SMARCA2: variants seen among roughly 807,000 people sequenced by gnomAD.
The protein encoded by SMARCA2 is SWI/SNF-related matrix-associated actin-dependent regulator of chromatin subfamily A member 2.
In SMARCA2, 61 loss-of-function variants were observed where a neutral mutation model predicts 199.8. The ratio of observed to expected loss-of-function variants is 0.31; its 90% confidence interval spans 0.25 to 0.38. The LOEUF (loss-of-function observed/expected upper bound fraction) is 0.38, where lower values mean the gene tolerates loss of function less well. Among genes scored for constraint, SMARCA2 ranks in the 10% least tolerant of loss-of-function variants. The pLI is 1.00. For synonymous variants in SMARCA2, 935 were observed against 732.0 expected (o/e 1.28, Z -4.48); for missense variants, 1,344 against 2,012.2 (o/e 0.67, Z 6.35).
intron 9 of SMARCA2, among the ~76,000 whole-genome samples, chr9:2,064,989 C>A (rs1416197681): frequency 6.6e-6 from 1 of 152,158 alleles, no homozygotes; most frequent in Non-Finnish European, 1.5e-5. Flanking sequence ...TCGAGACCAT[C>A]CTGGCTAACA....
intron 9 of SMARCA2, 46 bp from the exon 10 acceptor site, chr9:2,070,372 C>G: frequency 6.6e-7 from 1 of 1,525,690 alleles, no homozygotes; most frequent in Admixed American, 1.7e-5. Context: ...AGTCCTGTAC[C>G]CCATCATCTT....
intron 27 of SMARCA2, among the ~76,000 whole-genome samples, chr9:2,145,587 CAG>C (rs1463928372): frequency 1.3e-5 from 2 of 152,124 alleles, no homozygotes; most frequent in Non-Finnish European, 2.9e-5. Context: ...AGGGAAGATG[CAG>C]AGAGTTTGAT....
intron 27 of SMARCA2, among the ~76,000 whole-genome samples, chr9:2,141,697 G>A (rs1401218687): frequency 6.6e-6 from 1 of 151,778 alleles, no homozygotes; most frequent in Non-Finnish European, 1.5e-5. Context: ...TAGTTGTGTG[G>A]CCCTCCCTTG....
intron 23 of SMARCA2, among the ~76,000 whole-genome samples, chr9:2,107,507 G>A (rs1054395682): frequency 6.6e-6 from 1 of 151,962 alleles, no homozygotes; most frequent in African/African-American, 2.4e-5. Context: ...TAGTAGAGAT[G>A]GGGTTTTACC....
chr9:2,050,560 T>G (rs1820073322), intron 5 of SMARCA2, among the ~76,000 whole-genome samples: 1 of 152,176 alleles, frequency 6.6e-6, no homozygotes, highest in Non-Finnish European at 1.5e-5. Context: ...AAAGTCAGAC[T>G]TTAGTATGAA....
At position 2,047,349 on chromosome 9, in the gene SMARCA2, G is replaced by C. The variant is rs1171716633; in HGVS notation, c.911G>C (p.Gly304Ala). The change falls in exon 5 of 34, where the codon GGG becomes GCG. Residue 304 changes from glycine (G) to alanine (A), a missense_variant. Gly to Ala is a moderately conservative substitution (Grantham distance 60, BLOSUM62 0). Around this residue, in one of 18 missense-constraint regions of SMARCA2, gnomAD observed 117 missense variants for 99.1 expected, o/e 1.18. Transcript: ENST00000349721. ...AAQPPAAAVP[G>A]PSVPQPAPGQ... ...CAGCCGCCCGCGGCCGCAGTGCCCG[G>C]GCCCTCAGTGCCGCAGCCGGCCCCG... is the stretch of plus-strand genomic sequence containing the variant. The C allele has an allele frequency of 2.2e-5, 32 of 1,441,648 alleles. No homozygotes were observed. The highest frequency in any genetic ancestry group is 2.8e-5 in the Non-Finnish European group (31 of 1,089,052). 89.3% of individuals were successfully genotyped at this position (1,441,648 alleles called of 1,614,324 possible). A position where few individuals can be genotyped will look rare whatever the true frequency, so the allele number is the denominator to read the frequency against.
intron 23 of SMARCA2, among the ~76,000 whole-genome samples, chr9:2,109,541 A>G (rs1382316217): frequency 1.3e-5 from 2 of 152,178 alleles, no homozygotes; most frequent in African/African-American, 4.8e-5. Context: ...AGTATTTAAC[A>G]TGCTGCTCTG....
At chr9:2,038,668 C>G (rs565933600) in intron 3 of SMARCA2, among the ~76,000 whole-genome samples, 2 of 152,084 alleles carry the variant, frequency 1.3e-5, no homozygotes, top group African/African-American at 2.4e-5. Flanking sequence ...GAAAATACCC[C>G]CCCTTTACTG....
At chr9:2,085,339 C>T (rs768273527) in intron 17 of SMARCA2, among the ~76,000 whole-genome samples, 1 of 152,088 alleles carries the variant, frequency 6.6e-6, no homozygotes, top group Non-Finnish European at 1.5e-5. Context: ...TTGGAGACGC[C>T]TGGTAATGAG....
intron 27 of SMARCA2, chr9:2,158,733 TAAAAG>T (rs1825508299): frequency 6.9e-6 from 3 of 435,014 alleles, no homozygotes; most frequent in African/African-American, 2.0e-5. Context: ...TTTTTTAAAA[TAAAAG>T]AACAGTTTAA....
intron 27 of SMARCA2, among the ~76,000 whole-genome samples, chr9:2,150,935 G>A (rs370530260): frequency 4.2e-4 from 63 of 151,594 alleles, no homozygotes; most frequent in African/African-American, 1.5e-3. Context: ...TATAGGCCTA[G>A]GGCCATTTTA....
At chr9:2,073,480 G>T in intron 11 of SMARCA2, 86 bp from the exon 12 acceptor site, 5 of 1,452,954 alleles carry the variant, frequency 3.4e-6, no homozygotes, top group Non-Finnish European at 4.8e-6. Context: ...TTTATACATA[G>T]AATGTGCTAT....
At chr9:2,138,701 G>C (rs73391474) in intron 27 of SMARCA2, among the ~76,000 whole-genome samples, 1 of 152,098 alleles carries the variant, frequency 6.6e-6, no homozygotes, top group African/African-American at 2.4e-5. Flanking sequence ...ATCACTTTAC[G>C]TCTCAGAGCT....
rs767651487 is a variant in SMARCA2, at chr9:2,083,373, T to A, written c.2375T>A (p.Phe792Tyr). The A allele has an allele frequency of 4.4e-6, 7 of 1,606,926 alleles. No homozygotes were observed. In the African/African-American group the frequency reaches 9.4e-5, roughly 22 times the overall value. ...LSTLSNWTYE[F>Y]DKWAPSVVKI... is the part of the protein sequence containing the mutation. ...ACTCTATCTAACTGGACATATGAAT[T>A]TGACAAATGGGCTCCTTCTGTGGTG... is the stretch of plus-strand genomic sequence containing the variant. Residue 792 changes from phenylalanine (F) to tyrosine (Y), a missense_variant, in exon 16 of 34, where the codon TTT becomes TAT. Coordinates refer to ENST00000349721, the MANE Select transcript of SMARCA2 (RefSeq NM_003070.5).
At chr9:2,117,138 A>G (rs1262957221) in intron 25 of SMARCA2, among the ~76,000 whole-genome samples, 3 of 152,210 alleles carry the variant, frequency 2.0e-5, no homozygotes, top group Non-Finnish European at 4.4e-5. Flanking sequence ...GCACCATTAT[A>G]AAGTCGAAAA....
chr9:2,136,266 C>T (rs920657206), intron 27 of SMARCA2, among the ~76,000 whole-genome samples: 24 of 150,366 alleles, frequency 1.6e-4, no homozygotes, highest in Non-Finnish European at 3.5e-4. Context: ...TGGCTCACTG[C>T]AACCTGCGCT....
intron 29 of SMARCA2, among the ~76,000 whole-genome samples, chr9:2,177,500 C>T (rs1262265448): frequency 2.6e-5 from 4 of 151,928 alleles, no homozygotes; most frequent in African/African-American, 7.3e-5. Context: ...TCAATTTTCG[C>T]CTGGTCCTGG....
In SMARCA2 at chr9:2,032,298, G is replaced by A. The variant is rs935771884; in HGVS notation, c.226-654G>A. Among the ~76,000 whole-genome samples, 6 of 152,272 alleles carry A rather than the reference G, an allele frequency of 3.9e-5. No individual in the cohort carries two copies. In the East Asian group the frequency reaches 5.8e-4, roughly 15 times the overall value. On this transcript the variant is annotated intron_variant, in intron 2 of 33. Coordinates refer to ENST00000349721, the MANE Select transcript of SMARCA2 (RefSeq NM_003070.5). ...TTCAATAGCTGTTTATTGCATGTCT[G>A]TCACGTATTATGCCTCAAGTTTTGG...
chr9:2,073,186 G>A (rs1238591423), intron 10 of SMARCA2, 26 bp from the exon 11 acceptor site: 9 of 1,613,476 alleles, frequency 5.6e-6, no homozygotes, highest in African/African-American at 2.7e-5. Context: ...ACATGAAACC[G>A]TGACATGATT....
Sources: allele counts gnomAD v4.1 joint callset (sites outside exome capture counted in the v4.1 genomes callset), GRCh38; gene constraint gnomAD v4.1.1; regional missense constraint gnomAD v4.1.1; transcripts MANE v1.5; gene names NCBI Gene and HGNC (gene_info 2026-07-23, HGNC 2026-07-21).